SLC24A4: variants seen among roughly 807,000 people sequenced by gnomAD.
SLC24A4 encodes solute carrier family 24 member 4.
SLC24A4 carries 53 observed loss-of-function variants against 79.0 expected under a neutral mutation model. That is an observed-to-expected ratio of 0.67 (90% CI 0.54 to 0.84). The LOEUF is 0.84. Ranked by LOEUF, SLC24A4 falls within the 40% of genes least tolerant of loss-of-function variation. The pLI is 0.00. For missense variants in SLC24A4, 731 were observed against 822.0 expected, an observed-to-expected ratio of 0.89 and a Z score of 1.35; for synonymous variants, 323 against 323.8, an observed-to-expected ratio of 1.00 and a Z score of 0.03.
intron 2 of SLC24A4, among the ~76,000 whole-genome samples, chr14:92,430,443 A>G (rs911479162): frequency 1.3e-4 from 20 of 152,362 alleles, no homozygotes; most frequent in East Asian, 7.7e-4. Flanking sequence ...CGAATGGCAG[A>G]TTGTAGGGTG....
At chr14:92,361,431 G>A (rs1887516803) in intron 2 of SLC24A4, among the ~76,000 whole-genome samples, 1 of 151,988 alleles carries the variant, frequency 6.6e-6, no homozygotes, top group Non-Finnish European at 1.5e-5. Context: ...TAAGGTCTCA[G>A]TGACATGAAT....
At position 92,490,792 on chromosome 14, in the gene SLC24A4, G is replaced by A. The variant is rs898871873; in HGVS notation, c.1538-873G>A. 6.6e-6 allele frequency among the ~76,000 whole-genome samples: 1 copy of A among 152,234 alleles called. No individual in the cohort carries two copies. Among genetic ancestry groups the A allele is most frequent in the Non-Finnish European group, 1.5e-5 (1 of 68,042 alleles). On this transcript the variant is annotated intron_variant, in intron 14 of 16. Transcript: ENST00000532405. The surrounding 1 kb of genome is among the most constrained non-coding windows in gnomAD (Gnocchi z 4.3). ...AGCCTGGCAGGAGAGATCATGAAGG[G>A]CCCGCATGCATCTGCTAGGCTTCGT...
chr14:92,418,309 A>G (rs1159963418), intron 2 of SLC24A4, among the ~76,000 whole-genome samples: 1 of 152,132 alleles, frequency 6.6e-6, no homozygotes. Context: ...CTTGAACTCT[A>G]CGTGCTCGTC....
At chr14:92,460,660 C>T (rs566795026) in intron 12 of SLC24A4, among the ~76,000 whole-genome samples, 1 of 152,298 alleles carries the variant, frequency 6.6e-6, no homozygotes, top group Non-Finnish European at 1.5e-5. Flanking sequence ...CAGGTAGGAA[C>T]AGGACAGCCA....
At chr14:92,443,503 G>A (rs760400185) in intron 7 of SLC24A4, 29 bp downstream of exon 7, 2 of 1,612,396 alleles carry the variant, frequency 1.2e-6, no homozygotes, top group Admixed American at 3.3e-5. Flanking sequence ...CCCAAGGTCA[G>A]GTTGGCTGGG....
intron 2 of SLC24A4, among the ~76,000 whole-genome samples, chr14:92,377,283 A>G (rs1327324148): frequency 2.0e-5 from 3 of 152,242 alleles, no homozygotes; most frequent in African/African-American, 7.2e-5. Context: ...GATGTGTTTT[A>G]TTTAGATGAA....
intron 12 of SLC24A4, among the ~76,000 whole-genome samples, chr14:92,472,309 G>A (rs527878737): frequency 5.3e-5 from 8 of 152,106 alleles, no homozygotes; most frequent in Admixed American, 2.0e-4. Flanking sequence ...ACATGAGAAA[G>A]TTCTTTAGTG....
rs1895636486 is a variant in SLC24A4 at position 92,490,793 on chromosome 14, C to T, written c.1538-872C>T. 6.6e-6 allele frequency among the ~76,000 whole-genome samples: 1 copy of T among 152,216 alleles called. No individual in the cohort carries two copies. The highest frequency in any genetic ancestry group is 6.5e-5 in the Admixed American group (1 of 15,288). ...GCCTGGCAGGAGAGATCATGAAGGG[C>T]CCGCATGCATCTGCTAGGCTTCGTT... On this transcript the variant is annotated intron_variant, in intron 14 of 16. Coordinates refer to ENST00000532405, the MANE Select transcript of SLC24A4 (RefSeq NM_153646.4). The surrounding 1 kb of genome is among the most constrained non-coding windows in gnomAD (Gnocchi z 4.3).
chr14:92,370,308 G>T (rs1476895622), intron 2 of SLC24A4, among the ~76,000 whole-genome samples: 1 of 152,214 alleles, frequency 6.6e-6, no homozygotes, highest in African/African-American at 2.4e-5. Flanking sequence ...CACATGAACT[G>T]TGTGACTTTC....
chr14:92,331,171 C>A (rs545464775), intron 2 of SLC24A4, among the ~76,000 whole-genome samples: 1 of 152,226 alleles, frequency 6.6e-6, no homozygotes, highest in Non-Finnish European at 1.5e-5. Flanking sequence ...TGCTTGTCAT[C>A]GCCACCTTCA....
intron 12 of SLC24A4, among the ~76,000 whole-genome samples, chr14:92,478,946 A>T (rs551588584): frequency 1.3e-5 from 2 of 152,122 alleles, no homozygotes; most frequent in South Asian, 4.1e-4. Flanking sequence ...AGGTTTTTAA[A>T]TTTTTTGATG....
chr14:92,496,815 C>CT lies in SLC24A4; in HGVS notation c.*3197dup, dbSNP rs141494182. On this transcript the variant is annotated 3_prime_UTR_variant, in exon 17 of 17. Coordinates refer to ENST00000532405, the MANE Select transcript of SLC24A4 (RefSeq NM_153646.4). ...TGCCTGCCTTTATGAATTTTCTTTTCTTTTTTTTTTGAGACAGCGTCTTGC... is the reference window on the plus strand; with the variant it reads ...TGCCTGCCTTTATGAATTTTCTTTTCTTTTTTTTTTTGAGACAGCGTCTTGC... The CT allele has an allele frequency of 0.074, 10,977 of 149,284 alleles. 810 individuals are homozygous for CT. Among genetic ancestry groups the CT allele is most frequent in the African/African-American group, 0.18 (7,503 of 40,680 alleles). The allele number at this position is 149,284 out of a possible 1,614,324, so 9.2% of individuals were successfully genotyped here.
chr14:92,443,555 G>A, intron 7 of SLC24A4, 81 bp downstream of exon 7: 1 of 1,417,292 alleles, frequency 7.1e-7, no homozygotes, highest in East Asian at 2.3e-5. Flanking sequence ...TCTGCCCCTG[G>A]CACTGTGACC....
At chr14:92,328,371 G>A (rs1367147199) in intron 2 of SLC24A4, among the ~76,000 whole-genome samples, 1 of 152,206 alleles carries the variant, frequency 6.6e-6, no homozygotes, top group East Asian at 1.9e-4. Flanking sequence ...GGAAAGCTAG[G>A]TGACATTGAG....
At chr14:92,403,654 TG>T (rs1372378509) in intron 2 of SLC24A4, among the ~76,000 whole-genome samples, 1 of 151,338 alleles carries the variant, frequency 6.6e-6, no homozygotes. Flanking sequence ...GCTTGAGGTC[TG>T]TAACCCGGAC....
intron 2 of SLC24A4, among the ~76,000 whole-genome samples, chr14:92,380,086 G>A (rs1888749908): frequency 6.6e-6 from 1 of 152,178 alleles, no homozygotes; most frequent in Admixed American, 6.5e-5. Flanking sequence ...GCTGCACCTG[G>A]CATAGGGGAG....
intron 2 of SLC24A4, among the ~76,000 whole-genome samples, chr14:92,399,667 T>G (rs1889985648): frequency 6.6e-6 from 1 of 152,162 alleles, no homozygotes; most frequent in Admixed American, 6.6e-5. Flanking sequence ...CTTCAGCTGG[T>G]TTTGCGCTAT....
intron 2 of SLC24A4, among the ~76,000 whole-genome samples, chr14:92,382,897 T>C (rs1434874014): frequency 1.3e-5 from 2 of 152,082 alleles, no homozygotes; most frequent in Non-Finnish European, 2.9e-5. Flanking sequence ...ATGGAGTTCT[T>C]ATTGTGGTAT....
chr14:92,474,392 C>T (rs1313104313), intron 12 of SLC24A4, among the ~76,000 whole-genome samples: 2 of 152,182 alleles, frequency 1.3e-5, no homozygotes, highest in African/African-American at 4.8e-5. Flanking sequence ...GAGGGGCTTC[C>T]AGTCTAGCTT....
Sources: gnomAD v4.1 joint callset for allele counts (sites outside exome capture counted in the v4.1 genomes callset) on GRCh38, gnomAD v4.1.1 for gene constraint, Gnocchi (gnomAD v3.1) non-coding constraint, MANE v1.5 for transcripts, NCBI Gene and HGNC (gene_info 2026-07-23, HGNC 2026-07-21) for gene names.